Variants in ROBO2 observed in about 807,000 individuals in gnomAD.
ROBO2 encodes the protein roundabout guidance receptor 2, also known as roundabout homolog 2.
ROBO2 carries 53 observed loss-of-function variants against 160.8 expected under a neutral mutation model. The observed-to-expected ratio is 0.33, with a 90% CI of 0.26 to 0.41. ROBO2 has a LOEUF of 0.41. Ranked by LOEUF, ROBO2 falls within the 10% of genes least tolerant of loss-of-function variation. ROBO2 has a pLI of 1.00. For synonymous variants in ROBO2, 664 were observed against 611.7 expected (o/e 1.09, Z -1.26); for missense variants, 1,577 against 1,722.4 (o/e 0.92, Z 1.49).
intron 2 of ROBO2, among the ~76,000 whole-genome samples, chr3:76,704,681 A>G (rs1442362109): frequency 6.6e-6 from 1 of 152,092 alleles, no homozygotes; most frequent in Non-Finnish European, 1.5e-5. Context: ...ACTTGAAACT[A>G]GAATTGTGAA....
chr3:76,503,561 T>C (rs1560056913), intron 2 of ROBO2, among the ~76,000 whole-genome samples: 1 of 152,186 alleles, frequency 6.6e-6, no homozygotes, highest in East Asian at 1.9e-4. Context: ...TAAGTGTCCA[T>C]CAACAGATGA....
At chr3:77,426,279 C>T (rs57614227) in intron 2 of ROBO2, among the ~76,000 whole-genome samples, 4,165 of 152,070 alleles carry the variant, frequency 0.027, 90 homozygotes, top group East Asian at 0.077. Context: ...CAAGGAGAAT[C>T]GATGGGTTTC....
At chr3:75,944,245 A>G (rs1948181834) in intron 2 of ROBO2, among the ~76,000 whole-genome samples, 1 of 152,126 alleles carries the variant, frequency 6.6e-6, no homozygotes, top group Admixed American at 6.6e-5. Context: ...TAAGTCCTTT[A>G]TGTACAACTA....
At chr3:76,212,843 C>CCTCT (rs113091456) in intron 2 of ROBO2, among the ~76,000 whole-genome samples, 5,018 of 147,242 alleles carry the variant, frequency 0.034, 194 homozygotes, top group East Asian at 0.13. Context: ...ACCCATGGAG[C>CCTCT]CTCTCTCTCT....
chr3:77,541,873 G>C (rs534850517), intron 6 of ROBO2, among the ~76,000 whole-genome samples: 1 of 152,122 alleles, frequency 6.6e-6, no homozygotes, highest in Non-Finnish European at 1.5e-5. Flanking sequence ...TTCTTCTGGA[G>C]TTTATAACTC....
intron 2 of ROBO2, among the ~76,000 whole-genome samples, chr3:77,365,484 G>T (rs1267436114): frequency 6.6e-6 from 1 of 152,106 alleles, no homozygotes; most frequent in African/African-American, 2.4e-5. Context: ...ATTTACACCA[G>T]TCTGGTAGAT....
At chr3:76,056,880 T>A (rs1020596722) in intron 2 of ROBO2, among the ~76,000 whole-genome samples, 3 of 152,132 alleles carry the variant, frequency 2.0e-5, no homozygotes, top group Admixed American at 1.3e-4. Context: ...TGGACATATG[T>A]TAATAGTATG....
At chr3:77,443,242 C>T (rs545139166) in intron 2 of ROBO2, among the ~76,000 whole-genome samples, 1 of 151,584 alleles carries the variant, frequency 6.6e-6, no homozygotes, top group Non-Finnish European at 1.5e-5. Flanking sequence ...ACATTATGCT[C>T]AATAATCTTC....
chr3:76,144,525 G>A lies in ROBO2; in HGVS notation c.109+206923G>A, dbSNP rs2071812849. Among the ~76,000 whole-genome samples the A allele has an allele frequency of 2.0e-5, 3 of 151,836 alleles. No homozygotes were observed. The South Asian group carries it at 6.2e-4, about 32-fold the overall frequency. On this transcript the variant is annotated intron_variant, in intron 2 of 26. Coordinates refer to the ROBO2 transcript ENST00000487694. ...CAAGGTAAGCCATTTCACTCAGATG[G>A]GTTTATACATCCCTATGTGAATTAA...
chr3:76,551,456 A>G (rs2083415760), intron 2 of ROBO2, among the ~76,000 whole-genome samples: 1 of 151,982 alleles, frequency 6.6e-6, no homozygotes, highest in Non-Finnish European at 1.5e-5. Context: ...TTCATCCTGG[A>G]CGTGGGACAA....
At chr3:76,102,818 A>G (rs1287208912) in intron 2 of ROBO2, among the ~76,000 whole-genome samples, 1 of 146,924 alleles carries the variant, frequency 6.8e-6, no homozygotes, top group African/African-American at 2.7e-5. Flanking sequence ...TTTTAATACA[A>G]AGAGACCTGA....
At chr3:76,552,245 C>G (rs1178374629) in intron 2 of ROBO2, among the ~76,000 whole-genome samples, 1 of 152,156 alleles carries the variant, frequency 6.6e-6, no homozygotes, top group Non-Finnish European at 1.5e-5. Flanking sequence ...ATATCAGCAA[C>G]TTGAGCATCC....
chr3:75,944,071 G>A (rs902654597), intron 2 of ROBO2, among the ~76,000 whole-genome samples: 7 of 151,972 alleles, frequency 4.6e-5, no homozygotes, highest in East Asian at 1.9e-4. Context: ...ATCTGTATAC[G>A]AAATTTTTTC....
chr3:76,016,757 T>C (rs959821101), intron 2 of ROBO2, among the ~76,000 whole-genome samples: 11 of 152,144 alleles, frequency 7.2e-5, no homozygotes, highest in African/African-American at 2.4e-4. Context: ...CGTCTGCACC[T>C]AGTAGGATCT....
chr3:76,555,065 TA>T (rs548866427), intron 2 of ROBO2, among the ~76,000 whole-genome samples: 170 of 152,182 alleles, frequency 1.1e-3, no homozygotes, highest in African/African-American at 3.9e-3. Flanking sequence ...AGAAAGTCTT[TA>T]CCCCAAATGA....
chr3:77,319,968 G>A (rs1377866931), intron 2 of ROBO2, among the ~76,000 whole-genome samples: 3 of 152,170 alleles, frequency 2.0e-5, no homozygotes, highest in Non-Finnish European at 4.4e-5. Flanking sequence ...GCAATTGTAT[G>A]CCTGATTGAT....
chr3:77,164,854 A>G (rs370478283), intron 2 of ROBO2, among the ~76,000 whole-genome samples: 1 of 23,908 alleles, frequency 4.2e-5, no homozygotes. Flanking sequence ...GGAGCCCCTC[A>G]GCCCGGCCAG....
rs528780165 is a variant in ROBO2 at position 76,738,648 on chromosome 3, T to C, written c.110-359366T>C. 3.1e-4 allele frequency among the ~76,000 whole-genome samples: 47 copies of C among 152,228 alleles called. 1 individual carries two copies. The South Asian group carries it at 9.1e-3, about 30-fold the overall frequency. On this transcript the variant is annotated intron_variant, in intron 2 of 26. Coordinates refer to the ROBO2 transcript ENST00000487694. ...TTCGAACACGGTAAGATGGAAGTCA[T>C]TGATGACTTTGATAAACACAGTTTA... is the stretch of plus-strand genomic sequence containing the variant.
intron 2 of ROBO2, among the ~76,000 whole-genome samples, chr3:76,430,974 C>T (rs545334857): frequency 6.6e-6 from 1 of 152,018 alleles, no homozygotes; most frequent in African/African-American, 2.4e-5. Context: ...TAAGTTTTCT[C>T]AAACTAATAA....
Sources: gnomAD v4.1 joint callset for allele counts (sites outside exome capture counted in the v4.1 genomes callset) on GRCh38, gnomAD v4.1.1 for gene constraint, MANE v1.5 for transcripts, NCBI Gene and HGNC (gene_info 2026-07-23, HGNC 2026-07-21) for gene names.